SAMSN1: variants seen among roughly 807,000 people sequenced by gnomAD.
SAMSN1 encodes SAM domain, SH3 domain and nuclear localization signals 1.
SAMSN1 carries 31 observed loss-of-function variants against 42.0 expected under a neutral mutation model. That is an observed-to-expected ratio of 0.74 (90% confidence interval 0.55 to 1.00). SAMSN1 has a LOEUF of 1.00. SAMSN1 is among the 50% of genes least tolerant of loss of function. SAMSN1 has a pLI of 0.00. For missense variants in SAMSN1, 464 were observed against 439.4 expected, an observed-to-expected ratio of 1.06 and a Z score of -0.50; for synonymous variants, 178 against 151.9, an observed-to-expected ratio of 1.17 and a Z score of -1.26.
intron 5 of SAMSN1, among the ~76,000 whole-genome samples, chr21:14,503,015 T>C (rs576380363): frequency 6.6e-6 from 1 of 152,324 alleles, no homozygotes; most frequent in African/African-American, 2.4e-5. Context: ...CTATGAATTC[T>C]TTTAGCGCAA....
At chr21:14,558,498 G>A (rs1374746307) in intron 2 of SAMSN1, among the ~76,000 whole-genome samples, 3 of 151,972 alleles carry the variant, frequency 2.0e-5, no homozygotes, top group African/African-American at 7.3e-5. Flanking sequence ...GGGCAACATG[G>A]GGAAACACCA....
intron 7 of SAMSN1, among the ~76,000 whole-genome samples, chr21:14,492,651 G>A (rs1036775441): frequency 2.0e-5 from 3 of 152,134 alleles, no homozygotes; most frequent in Non-Finnish European, 4.4e-5. Flanking sequence ...TGAAAAATCT[G>A]TGAACACTTT....
chr21:14,653,265 T>C (rs1420413209), intron 1 of SAMSN1, among the ~76,000 whole-genome samples: 1 of 151,942 alleles, frequency 6.6e-6, no homozygotes, highest in African/African-American at 2.4e-5. Context: ...AACAGATGAA[T>C]GGATAAAGAA....
chr21:14,498,930 A>T (rs1468060894), intron 6 of SAMSN1, among the ~76,000 whole-genome samples: 4 of 152,254 alleles, frequency 2.6e-5, no homozygotes, highest in African/African-American at 9.6e-5. Context: ...AACTAGCATT[A>T]CTTTAAGTCT....
rs1402570440 is a variant in SAMSN1, at chr21:14,485,603, A to T, written c.*309T>A. On this transcript the variant is annotated 3_prime_UTR_variant, in exon 8 of 8. Coordinates refer to ENST00000400566, the MANE Select transcript of SAMSN1 (RefSeq NM_022136.5). ...AAAAAGGTTACTTTGTTTTTTGCAG[A>T]TACTGTACTTGTAAAATAAAGCCAA... 1.5e-5 allele frequency: 3 copies of T among 202,032 alleles called. No homozygotes were observed. The highest frequency in any genetic ancestry group is 2.0e-4 in the South Asian group (2 of 9,902). 12.5% of individuals were successfully genotyped at this position (202,032 alleles called of 1,614,324 possible).
At chr21:14,628,549 G>A (rs973751440) in intron 2 of SAMSN1, among the ~76,000 whole-genome samples, 2 of 152,090 alleles carry the variant, frequency 1.3e-5, no homozygotes, top group Admixed American at 6.6e-5. Flanking sequence ...TTTTCAAAAC[G>A]AGAAGATTTA....
chr21:14,613,536 T>A (rs558529825), intron 3 of SAMSN1, among the ~76,000 whole-genome samples: 46 of 152,324 alleles, frequency 3.0e-4, no homozygotes, highest in African/African-American at 1.0e-3. Context: ...GTCATTAAAT[T>A]AAAACTGAGT....
At chr21:14,489,576 T>G (rs1054291967) in intron 7 of SAMSN1, among the ~76,000 whole-genome samples, 3 of 152,148 alleles carry the variant, frequency 2.0e-5, no homozygotes, top group Non-Finnish European at 4.4e-5. Context: ...ACTGAAGAAT[T>G]ATTAAATAAT....
At chr21:14,593,286 G>T (rs1982147124) in intron 7 of SAMSN1, among the ~76,000 whole-genome samples, 1 of 152,094 alleles carries the variant, frequency 6.6e-6, no homozygotes, top group African/African-American at 2.4e-5. Flanking sequence ...GGAAGCAATG[G>T]TCAAATAAGT....
intron 2 of SAMSN1, among the ~76,000 whole-genome samples, chr21:14,563,157 ATGTC>A (rs1980999413): frequency 6.6e-6 from 1 of 151,984 alleles, no homozygotes; most frequent in Non-Finnish European, 1.5e-5. Context: ...ATATTCTGCA[ATGTC>A]ATCATAACCT....
At chr21:14,583,873 G>T, upstream of SAMSN1, 2 of 614,612 alleles carry the variant, frequency 3.3e-6, no homozygotes, top group South Asian at 2.0e-5. Flanking sequence ...AATTAATAAT[G>T]TGACCTTAAA....
chr21:14,507,903 A>T (rs547353134), intron 5 of SAMSN1, among the ~76,000 whole-genome samples: 1 of 152,138 alleles, frequency 6.6e-6, no homozygotes, highest in Non-Finnish European at 1.5e-5. Flanking sequence ...ATAAATCCAC[A>T]TACTTAACGG....
chr21:14,496,299 T>C (rs752218578), intron 7 of SAMSN1: 1 of 152,242 alleles, frequency 6.6e-6, no homozygotes, highest in African/African-American at 2.4e-5. Context: ...AGACTCCCTT[T>C]GATTAAATCT....
intron 7 of SAMSN1, among the ~76,000 whole-genome samples, chr21:14,490,648 C>G (rs949126404): frequency 2.0e-5 from 3 of 152,164 alleles, no homozygotes; most frequent in African/African-American, 7.2e-5. Flanking sequence ...GTTCATTTCA[C>G]TTGAATACTA....
intron 5 of SAMSN1, among the ~76,000 whole-genome samples, chr21:14,608,348 A>G (rs1982618047): frequency 6.6e-6 from 1 of 152,206 alleles, no homozygotes; most frequent in South Asian, 2.1e-4. Flanking sequence ...CATTGACCTC[A>G]GTGCTGTTTC....
chr21:14,659,367 A>T (rs1366915931), upstream of SAMSN1, among the ~76,000 whole-genome samples: 2 of 151,986 alleles, frequency 1.3e-5, no homozygotes, highest in East Asian at 3.9e-4. Context: ...TTGTTGGGCA[A>T]CTGTCACCAC....
chr21:14,522,888 G>A (rs1377249794), intron 1 of SAMSN1, among the ~76,000 whole-genome samples: 1 of 152,130 alleles, frequency 6.6e-6, no homozygotes, highest in Non-Finnish European at 1.5e-5. Context: ...CTGCTCCAAC[G>A]CAGGGCACAC....
intron 7 of SAMSN1, among the ~76,000 whole-genome samples, chr21:14,592,793 G>A (rs79450419): frequency 6.6e-4 from 101 of 152,264 alleles, no homozygotes; most frequent in African/African-American, 1.9e-3. Context: ...AGCACAGTCC[G>A]TGGTAGAGCC....
In SAMSN1 at chr21:14,527,905, A is replaced by G. The variant is rs185999116; in HGVS notation, c.58-6684T>C. On this transcript the variant is annotated intron_variant, in intron 1 of 7. Transcript: ENST00000400566. ...ATCTCATTCTTATTATTTACATTGT[A>G]TCCATAGACTGTAAGTCATGCTACA... 2.4e-3 allele frequency among the ~76,000 whole-genome samples: 370 copies of G among 152,294 alleles called. 3 individuals are homozygous for G. The highest frequency in any genetic ancestry group is 0.01 in the South Asian group (50 of 4,834).
Sources: gnomAD v4.1 joint callset for allele counts (sites outside exome capture counted in the v4.1 genomes callset) on GRCh38, gnomAD v4.1.1 for gene constraint, MANE v1.5 for transcripts, NCBI Gene and HGNC (gene_info 2026-07-23, HGNC 2026-07-21) for gene names.